The following MYO3B variants were observed in gnomAD, a reference collection of about 807,000 sequenced individuals.
MYO3B encodes the protein myosin-IIIb.
In MYO3B, 156 loss-of-function variants were observed where a neutral mutation model predicts 174.6. That is an observed-to-expected ratio of 0.89 (90% CI 0.78 to 1.02). MYO3B has a LOEUF of 1.02. MYO3B is among the 50% of genes least tolerant of loss of function. MYO3B has a pLI of 0.00. For missense variants in MYO3B, 1,632 were observed against 1,639.4 expected (o/e 1.00, Z 0.08); for synonymous variants, 563 against 569.1 (o/e 0.99, Z 0.15).
chr2:170,469,784 C>T (rs903168908), intron 25 of MYO3B, among the ~76,000 whole-genome samples: 4 of 152,114 alleles, frequency 2.6e-5, no homozygotes, highest in Admixed American at 1.3e-4. Context: ...ATATAATTCA[C>T]GTATGATAAA....
At chr2:170,635,380 C>T (rs778231049) in intron 32 of MYO3B, among the ~76,000 whole-genome samples, 97 of 152,090 alleles carry the variant, frequency 6.4e-4, no homozygotes, top group Non-Finnish European at 1.1e-3. Context: ...CCAAACACTG[C>T]GTGTTCTCAC....
chr2:170,427,257 A>G (rs1024536688), intron 22 of MYO3B, among the ~76,000 whole-genome samples: 5 of 152,176 alleles, frequency 3.3e-5, no homozygotes, highest in Non-Finnish European at 1.5e-5. Context: ...TTTATTCTCA[A>G]TAGGTTTCAC....
intron 7 of MYO3B, among the ~76,000 whole-genome samples, chr2:170,293,381 C>T (rs2093608553): frequency 6.6e-6 from 1 of 152,026 alleles, no homozygotes; most frequent in South Asian, 2.1e-4. Flanking sequence ...CTAATTAGTT[C>T]TACTGCTTAT....
At chr2:170,409,992 C>T (rs1351401176) in intron 22 of MYO3B, among the ~76,000 whole-genome samples, 1 of 152,158 alleles carries the variant, frequency 6.6e-6, no homozygotes, top group Non-Finnish European at 1.5e-5. Context: ...CTGTTCTTTG[C>T]CAATGCTTGT....
At chr2:170,591,401 A>G (rs1391873429) in intron 32 of MYO3B, among the ~76,000 whole-genome samples, 1 of 152,180 alleles carries the variant, frequency 6.6e-6, no homozygotes, top group African/African-American at 2.4e-5. Flanking sequence ...ATCAAAAATT[A>G]AAAATCAAAG....
At chr2:170,644,183 T>C (rs1366538731) in intron 32 of MYO3B, among the ~76,000 whole-genome samples, 1 of 152,216 alleles carries the variant, frequency 6.6e-6, no homozygotes, top group East Asian at 1.9e-4. Context: ...GATTTGAATC[T>C]CAAATAACCA....
intron 8 of MYO3B, chr2:170,342,104 C>T (rs1001788396): frequency 2.0e-5 from 3 of 152,138 alleles, no homozygotes; most frequent in African/African-American, 7.2e-5. Flanking sequence ...GTAATCTAGA[C>T]TGTTGTCAGC....
chr2:170,270,013 A>G (rs1267731808), intron 7 of MYO3B, among the ~76,000 whole-genome samples: 1 of 152,220 alleles, frequency 6.6e-6, no homozygotes, highest in East Asian at 1.9e-4. Flanking sequence ...ACAGTGTTAA[A>G]GGAAAAATAT....
intron 7 of MYO3B, among the ~76,000 whole-genome samples, chr2:170,246,673 T>A (rs1322351627): frequency 1.3e-5 from 2 of 152,008 alleles, no homozygotes; most frequent in Admixed American, 1.3e-4. Context: ...ACCAACACCT[T>A]GATTTTGGAT....
At chr2:170,584,655 T>A (rs1295884589) in intron 32 of MYO3B, among the ~76,000 whole-genome samples, 1 of 152,248 alleles carries the variant, frequency 6.6e-6, no homozygotes, top group Non-Finnish European at 1.5e-5. Context: ...CTTTCGCACT[T>A]GTTAACGTGA....
At chr2:170,425,442 G>C (rs1240832825) in intron 22 of MYO3B, among the ~76,000 whole-genome samples, 2 of 152,228 alleles carry the variant, frequency 1.3e-5, no homozygotes, top group Admixed American at 1.3e-4. Flanking sequence ...AACTGAACTT[G>C]AGAGCTGGAG....
At chr2:170,323,819 A>G (rs191327451) in intron 7 of MYO3B, among the ~76,000 whole-genome samples, 1 of 152,306 alleles carries the variant, frequency 6.6e-6, no homozygotes, top group East Asian at 1.9e-4. Context: ...TGAATGACTC[A>G]GGCTTCAGAA....
intron 7 of MYO3B, among the ~76,000 whole-genome samples, chr2:170,332,957 T>G (rs1432356431): frequency 1.3e-5 from 2 of 152,158 alleles, no homozygotes; most frequent in Non-Finnish European, 2.9e-5. Flanking sequence ...GGCTGGCCAG[T>G]GTTGAGCCTA....
intron 7 of MYO3B, among the ~76,000 whole-genome samples, chr2:170,267,690 T>C (rs16858059): frequency 0.087 from 13,197 of 152,212 alleles, 984 homozygotes; most frequent in African/African-American, 0.2. Flanking sequence ...TTAGTTTATC[T>C]TGTAGAAACT....
intron 6 of MYO3B, among the ~76,000 whole-genome samples, chr2:170,234,701 A>G (rs1015253836): frequency 1.3e-5 from 2 of 152,114 alleles, no homozygotes; most frequent in African/African-American, 4.8e-5. Flanking sequence ...TGCCCCTCCT[A>G]CTGTCTTCCT....
rs767903171 is a variant in MYO3B at position 170,326,603 on chromosome 2, G to A, written c.750-8782G>A. ...CCCCTCCATCATCTCTATTGACATG[G>A]CACCTTCTATTGTCCTTGACTTTCT... is the stretch of plus-strand genomic sequence containing the variant. On this transcript the variant is annotated intron_variant, in intron 7 of 34. Coordinates refer to ENST00000408978, the MANE Select transcript of MYO3B (RefSeq NM_138995.5). Among the ~76,000 whole-genome samples the A allele has an allele frequency of 2.7e-4, 41 of 152,322 alleles. 1 individual carries two copies. The highest frequency in any genetic ancestry group is 7.4e-5 in the Non-Finnish European group (5 of 68,026).
At chr2:170,430,026 T>C (rs1157406059) in intron 22 of MYO3B, among the ~76,000 whole-genome samples, 3 of 140,652 alleles carry the variant, frequency 2.1e-5, no homozygotes, top group Non-Finnish European at 3.2e-5. Context: ...TTTTTTTTTT[T>C]CAAACAAATG....
intron 7 of MYO3B, among the ~76,000 whole-genome samples, chr2:170,310,886 A>G (rs972034423): frequency 3.9e-5 from 6 of 152,180 alleles, no homozygotes; most frequent in African/African-American, 1.4e-4. Flanking sequence ...GTTAATGTTA[A>G]CGCCAGAGAT....
At chr2:170,202,189 C>T (rs1326236654) in intron 3 of MYO3B, among the ~76,000 whole-genome samples, 1 of 152,196 alleles carries the variant, frequency 6.6e-6, no homozygotes, top group Non-Finnish European at 1.5e-5. Context: ...TGCTCCCTTG[C>T]CACCTGTTTC....
Sources: allele counts gnomAD v4.1 joint callset (sites outside exome capture counted in the v4.1 genomes callset), GRCh38; gene constraint gnomAD v4.1.1; transcripts MANE v1.5; gene names NCBI Gene and HGNC (gene_info 2026-07-23, HGNC 2026-07-21).